Variants in MAN2A1 observed in about 807,000 individuals in gnomAD.
The protein encoded by MAN2A1 is mannosidase alpha class 2A member 1.
A neutral mutation model predicts 142.6 loss-of-function variants in MAN2A1; 76 were observed. The ratio of observed to expected loss-of-function variants is 0.53; its 90% confidence interval spans 0.44 to 0.65. MAN2A1 has a LOEUF of 0.65. Ranked by LOEUF, MAN2A1 falls within the 30% of genes least tolerant of loss-of-function variation. The probability of loss-of-function intolerance (pLI) is 0.00; values close to 1 mark genes in which losing one functional copy is unlikely to be tolerated. For synonymous variants in MAN2A1, 559 were observed against 473.2 expected (o/e 1.18, Z -2.35); for missense variants, 1,311 against 1,365.1 (o/e 0.96, Z 0.62).
chr5:109,784,431 T>C (rs958220734), intron 9 of MAN2A1, among the ~76,000 whole-genome samples: 2 of 152,120 alleles, frequency 1.3e-5, no homozygotes, highest in African/African-American at 4.8e-5. Context: ...ATTTTTCAGA[T>C]TTTTTTCACT....
chr5:109,765,955 GT>G (rs976630780), intron 5 of MAN2A1, among the ~76,000 whole-genome samples: 4 of 151,048 alleles, frequency 2.6e-5, no homozygotes, highest in East Asian at 1.9e-4. Flanking sequence ...TTTCTTTCAG[GT>G]TTTTTTTTCT....
At chr5:109,845,401 A>T (rs1755320937) in intron 17 of MAN2A1, among the ~76,000 whole-genome samples, 1 of 152,196 alleles carries the variant, frequency 6.6e-6, no homozygotes, top group African/African-American at 2.4e-5. Flanking sequence ...ATATCTTAGA[A>T]GATTTGGTGC....
intron 20 of MAN2A1, among the ~76,000 whole-genome samples, chr5:109,857,621 T>C (rs1041875038): frequency 3.3e-5 from 5 of 152,216 alleles, no homozygotes; most frequent in African/African-American, 1.2e-4. Flanking sequence ...GGTTTTACCT[T>C]CTGTAAACGA....
intron 12 of MAN2A1, among the ~76,000 whole-genome samples, chr5:109,801,109 T>A (rs1167666288): frequency 6.6e-6 from 1 of 152,194 alleles, no homozygotes; most frequent in East Asian, 1.9e-4. Flanking sequence ...CAATGGCTTC[T>A]GAAGAAAGCC....
chr5:109,770,656 G>A (rs1753121916), intron 7 of MAN2A1, 115 bp downstream of exon 7: 2 of 926,484 alleles, frequency 2.2e-6, no homozygotes, highest in Admixed American at 5.3e-5. Flanking sequence ...CTTGTTTGAA[G>A]TATTCATTCA....
intron 1 of MAN2A1, among the ~76,000 whole-genome samples, chr5:109,706,688 G>C (rs1442545752): frequency 2.6e-5 from 4 of 151,976 alleles, no homozygotes; most frequent in South Asian, 2.1e-4. Context: ...GACATAATCA[G>C]AGTCCAGAAA....
At chr5:109,808,140 A>G (rs1754220223) in intron 12 of MAN2A1, among the ~76,000 whole-genome samples, 1 of 152,156 alleles carries the variant, frequency 6.6e-6, no homozygotes, top group South Asian at 2.1e-4. Context: ...GTCTAGTGGT[A>G]GTGGCCTGTA....
At chr5:109,778,251 T>A (rs1277931544) in intron 8 of MAN2A1, among the ~76,000 whole-genome samples, 4 of 152,060 alleles carry the variant, frequency 2.6e-5, no homozygotes, top group African/African-American at 9.7e-5. Context: ...AGTAACTTTG[T>A]TAAATTTATT....
rs779213620 is a variant in MAN2A1 at position 109,855,211 on chromosome 5, A to G, written c.3048A>G (p.Pro1016=). ...SHITSSLMNH[P]VIPMANKFSS... ...TAACTTCTTCTCTCATGAATCATCCAGTCATTCCAATGGCAAATAAGTTCT... is the reference window on the plus strand; with the variant it reads ...TAACTTCTTCTCTCATGAATCATCCGGTCATTCCAATGGCAAATAAGTTCT... The change falls in exon 20 of 22, where the codon CCA becomes CCG. Residue 1016 remains proline (P), a synonymous_variant. Coordinates refer to ENST00000261483, the MANE Select transcript of MAN2A1 (RefSeq NM_002372.4). 6.2e-7 allele frequency: 1 copy of G among 1,607,380 alleles called. No homozygotes were observed. The highest frequency in any genetic ancestry group is 1.7e-5 in the Admixed American group (1 of 59,126).
chr5:109,840,005 G>T lies in MAN2A1; in HGVS notation c.2567-2323G>T, dbSNP rs1290241271. 2.6e-5 allele frequency: 4 copies of T among 153,204 alleles called. No individual in the cohort carries two copies. In the East Asian group the frequency reaches 5.8e-4, roughly 22 times the overall value. The allele number at this position is 153,204 out of a possible 1,614,324, so 9.5% of individuals were successfully genotyped here. On this transcript the variant is annotated intron_variant, in intron 16 of 21. Coordinates refer to ENST00000261483, the MANE Select transcript of MAN2A1 (RefSeq NM_002372.4). ...TTTTATTCACTAACACATGCTAGGA[G>T]GCTTCAGCAATATCCTGCTCCATTC... is the stretch of plus-strand genomic sequence containing the variant.
chr5:109,816,080 C>T (rs771678350), intron 12 of MAN2A1, among the ~76,000 whole-genome samples: 46 of 152,262 alleles, frequency 3.0e-4, no homozygotes, highest in Admixed American at 5.9e-4. Flanking sequence ...AACGTCTCTG[C>T]TCACAGGCAA....
At chr5:109,832,890 C>T (rs532648874) in intron 16 of MAN2A1, among the ~76,000 whole-genome samples, 47 of 147,798 alleles carry the variant, frequency 3.2e-4, no homozygotes, top group Non-Finnish European at 1.5e-4. Context: ...GGCTGCCGGG[C>T]GGAGGGGCTC....
At chr5:109,779,356 A>C (rs1474727281) in intron 8 of MAN2A1, among the ~76,000 whole-genome samples, 1 of 152,178 alleles carries the variant, frequency 6.6e-6, no homozygotes, top group Non-Finnish European at 1.5e-5. Flanking sequence ...TAAACTTTGA[A>C]GTTCAAAATG....
At chr5:109,750,225 T>A (rs1752509421) in intron 4 of MAN2A1, among the ~76,000 whole-genome samples, 1 of 152,050 alleles carries the variant, frequency 6.6e-6, no homozygotes, top group Non-Finnish European at 1.5e-5. Flanking sequence ...TAAGTGCTTA[T>A]CATGTATGTT....
At chr5:109,782,249 A>G (rs999099350) in intron 9 of MAN2A1, among the ~76,000 whole-genome samples, 1 of 152,182 alleles carries the variant, frequency 6.6e-6, no homozygotes, top group African/African-American at 2.4e-5. Context: ...AAAAACACTA[A>G]ACTGACACTA....
intron 3 of MAN2A1, among the ~76,000 whole-genome samples, chr5:109,726,053 A>G (rs1007554020): frequency 6.6e-6 from 1 of 152,186 alleles, no homozygotes; most frequent in African/African-American, 2.4e-5. Context: ...GTTAGAATGG[A>G]AAAGAATAAA....
chr5:109,850,718 A>G (rs139753672), intron 19 of MAN2A1, among the ~76,000 whole-genome samples: 208 of 152,262 alleles, frequency 1.4e-3, no homozygotes, highest in African/African-American at 4.8e-3. Context: ...TTCACATCAA[A>G]TCTATAAAGC....
In MAN2A1 at chr5:109,865,118, G is replaced by A. The variant is rs1380467901; in HGVS notation, c.3254G>A (p.Gly1085Glu). ...FDCRFSSKGT[G>E]LFCSTTQGKI... ...TGTCGGTTCTCTAGCAAAGGCACAG[G>A]GCTGTTTTGTTCTACTACTCAGGGA... Residue 1085 changes from glycine (G) to glutamate (E), a missense_variant, in exon 21 of 22, where the codon GGG becomes GAG. Physicochemically the swap from Gly to Glu is moderately conservative, Grantham distance 98. Coordinates refer to ENST00000261483, the MANE Select transcript of MAN2A1 (RefSeq NM_002372.4). The A allele has an allele frequency of 1.9e-6, 3 of 1,613,914 alleles. No individual in the cohort carries two copies. Among genetic ancestry groups the A allele is most frequent in the East Asian group, 2.2e-5 (1 of 44,876 alleles).
At position 109,775,530 on chromosome 5, in the gene MAN2A1, T is replaced by C. The variant is rs900646269; in HGVS notation, c.1374+565T>C. Among the ~76,000 whole-genome samples the C allele has an allele frequency of 1.6e-4, 25 of 151,712 alleles. 1 individual carries two copies. The South Asian group carries it at 4.8e-3, about 29-fold the overall frequency. On this transcript the variant is annotated intron_variant, in intron 8 of 21. Transcript: ENST00000261483. ...AAAATGTACTGTAAAGTTCTGAAAATAGCAAAAATTGTTCCCCTTCTCCCC... is the reference window on the plus strand; with the variant it reads ...AAAATGTACTGTAAAGTTCTGAAAACAGCAAAAATTGTTCCCCTTCTCCCC...
Sources: allele counts gnomAD v4.1 joint callset (sites outside exome capture counted in the v4.1 genomes callset), GRCh38; gene constraint gnomAD v4.1.1; transcripts MANE v1.5; gene names NCBI Gene and HGNC (gene_info 2026-07-23, HGNC 2026-07-21).